XKR4: variants seen among roughly 807,000 people sequenced by gnomAD.
XKR4 encodes the protein XK-related protein 4.
In XKR4, 12 loss-of-function variants were observed where a neutral mutation model predicts 53.9. The ratio of observed to expected loss-of-function variants is 0.22; its 90% CI spans 0.14 to 0.36. XKR4 has a LOEUF of 0.36. XKR4 is among the 10% of genes least tolerant of loss of function. The pLI, the probability that XKR4 is intolerant of heterozygous loss-of-function variation, is 1.00. For missense variants in XKR4, 799 were observed against 859.5 expected (o/e 0.93, Z 0.88); for synonymous variants, 354 against 362.4 (o/e 0.98, Z 0.26).
intron 2 of XKR4, among the ~76,000 whole-genome samples, chr8:55,507,650 C>T (rs1806560886): frequency 6.6e-6 from 1 of 152,080 alleles, no homozygotes; most frequent in African/African-American, 2.4e-5. Context: ...TTTCCAGTTT[C>T]ATCCATGTCC....
chr8:55,372,220 G>A (rs973055269), intron 2 of XKR4, among the ~76,000 whole-genome samples: 2 of 152,190 alleles, frequency 1.3e-5, no homozygotes, highest in Non-Finnish European at 2.9e-5. Flanking sequence ...CCAAACACTG[G>A]CTGCTTGTTG....
chr8:55,458,896 G>C (rs2129397560), intron 2 of XKR4, among the ~76,000 whole-genome samples: 1 of 152,262 alleles, frequency 6.6e-6, no homozygotes, highest in Middle Eastern at 3.4e-3. Context: ...CATTCAAGGG[G>C]GAAAACAGAA....
At chr8:55,407,164 G>A (rs1020784248) in intron 2 of XKR4, among the ~76,000 whole-genome samples, 2 of 152,144 alleles carry the variant, frequency 1.3e-5, no homozygotes, top group African/African-American at 2.4e-5. Flanking sequence ...AAAATCACAG[G>A]GAGCCTGGGG....
chr8:55,470,761 G>A (rs895967029), intron 2 of XKR4, among the ~76,000 whole-genome samples: 3 of 152,016 alleles, frequency 2.0e-5, no homozygotes, highest in African/African-American at 7.3e-5. Context: ...TATAATTTAT[G>A]GATCCTTCCT....
intron 2 of XKR4, among the ~76,000 whole-genome samples, chr8:55,413,380 C>G (rs1316030187): frequency 1.3e-5 from 2 of 152,132 alleles, no homozygotes; most frequent in Non-Finnish European, 2.9e-5. Context: ...TGCGCACCAC[C>G]ATGCTTGGCT....
chr8:55,452,451 G>A (rs968629762), intron 2 of XKR4: 11 of 626,194 alleles, frequency 1.8e-5, no homozygotes, highest in Admixed American at 1.2e-4. Context: ...GCCCGCCCTC[G>A]CACCCTCCTC....
intron 2 of XKR4, among the ~76,000 whole-genome samples, chr8:55,446,339 T>C (rs1303220794): frequency 2.6e-5 from 4 of 152,058 alleles, no homozygotes; most frequent in African/African-American, 4.8e-5. Flanking sequence ...AAACTTTAAC[T>C]GACTGATTTC....
intron 1 of XKR4, among the ~76,000 whole-genome samples, chr8:55,217,702 C>G (rs1414577093): frequency 1.3e-5 from 2 of 151,908 alleles, no homozygotes; most frequent in African/African-American, 2.4e-5. Flanking sequence ...GTATAATATC[C>G]TTTTTTACAG....
intron 1 of XKR4, among the ~76,000 whole-genome samples, chr8:55,173,120 G>A (rs1035805486): frequency 2.6e-5 from 4 of 152,088 alleles, no homozygotes; most frequent in Non-Finnish European, 4.4e-5. Context: ...GCTCACCCCT[G>A]GGAGCTGTCC....
At chr8:55,432,207 A>T (rs1183230704) in intron 2 of XKR4, among the ~76,000 whole-genome samples, 1 of 152,020 alleles carries the variant, frequency 6.6e-6, no homozygotes, top group African/African-American at 2.4e-5. Flanking sequence ...TGTGTAGTGA[A>T]CTCAGAAGCC....
Position 55,179,262 on chromosome 8 carries a change from C to T in XKR4, c.806+75968C>T, listed in dbSNP as rs759677668. Among the ~76,000 whole-genome samples, 18 of 151,024 alleles carry T rather than the reference C, an allele frequency of 1.2e-4. No homozygotes were observed. In the South Asian group the frequency reaches 1.2e-3, roughly 10 times the overall value. ...TTTCTGAGATGGTTTAACTACAACT[C>T]TGTCCAATGACAGGAGCATGACAAC... On this transcript the variant is annotated intron_variant, in intron 1 of 2. Coordinates refer to ENST00000327381, the MANE Select transcript of XKR4 (RefSeq NM_052898.2).
chr8:55,283,057 G>A (rs944414789), intron 1 of XKR4, among the ~76,000 whole-genome samples: 1 of 152,154 alleles, frequency 6.6e-6, no homozygotes, highest in Non-Finnish European at 1.5e-5. Context: ...CTGTACAGGT[G>A]TGTAGCCTAG....
chr8:55,172,219 A>C (rs1407813751), intron 1 of XKR4, among the ~76,000 whole-genome samples: 1 of 152,040 alleles, frequency 6.6e-6, no homozygotes, highest in South Asian at 2.1e-4. Context: ...TCAAAAAAAA[A>C]AAAAAGTCCC....
chr8:55,536,707 C>A lies in XKR4; in HGVS notation c.*12480C>A, dbSNP rs182351330. 7 of 152,326 alleles carry A rather than the reference C, an allele frequency of 4.6e-5. No individual in the cohort carries two copies. The East Asian group carries it at 9.6e-4, about 21-fold the overall frequency. The allele number at this position is 152,326 out of a possible 1,614,324, so 9.4% of individuals were successfully genotyped here. The stretch of plus-strand genomic sequence containing the variant: ...TTGTGCCAAGAGAAATAATGCAGAA[C>A]AAATGTTATTTAATTTTTATTTACT... On this transcript the variant is annotated 3_prime_UTR_variant, in exon 3 of 3. Transcript: ENST00000327381.
intron 2 of XKR4, among the ~76,000 whole-genome samples, chr8:55,377,859 T>C (rs568409936): frequency 4.1e-4 from 62 of 152,238 alleles, no homozygotes; most frequent in African/African-American, 1.3e-3. Context: ...AAACACTAAT[T>C]AGATTTTCTT....
At chr8:55,277,232 A>G (rs538687108) in intron 1 of XKR4, among the ~76,000 whole-genome samples, 1 of 152,224 alleles carries the variant, frequency 6.6e-6, no homozygotes, top group Admixed American at 6.5e-5. Context: ...TATGTTCACC[A>G]TCCATCATTT....
rs1249862587 is a variant in XKR4 at position 55,474,751 on chromosome 8, C to T, written c.1007-48530C>T. On this transcript the variant is annotated intron_variant, in intron 2 of 2. Transcript: ENST00000327381. The stretch of plus-strand genomic sequence containing the variant: ...TGAGGCTCTGCCAAAATGGTCCTTT[C>T]CCTCACACAGAGTGCTGGAGGAACC... Among the ~76,000 whole-genome samples the T allele has an allele frequency of 3.3e-5, 5 of 152,268 alleles. No individual in the cohort carries two copies. The South Asian group carries it at 6.2e-4, about 19-fold the overall frequency.
At chr8:55,408,564 G>A (rs748299480) in intron 2 of XKR4, among the ~76,000 whole-genome samples, 14 of 152,226 alleles carry the variant, frequency 9.2e-5, no homozygotes, top group Non-Finnish European at 1.8e-4. Context: ...TGGAAGTCCA[G>A]AGCGTCAGGC....
At chr8:55,273,623 C>T (rs1389747957) in intron 1 of XKR4, among the ~76,000 whole-genome samples, 1 of 152,184 alleles carries the variant, frequency 6.6e-6, no homozygotes, top group African/African-American at 2.4e-5. Flanking sequence ...AATAAACTGG[C>T]TCATCCAATC....
Sources: gnomAD v4.1 joint callset for allele counts (sites outside exome capture counted in the v4.1 genomes callset) on GRCh38, gnomAD v4.1.1 for gene constraint, MANE v1.5 for transcripts, NCBI Gene and HGNC (gene_info 2026-07-23, HGNC 2026-07-21) for gene names.